UNC5D: variants seen among roughly 807,000 people sequenced by gnomAD.
UNC5D encodes netrin receptor UNC5D.
In UNC5D, 39 loss-of-function variants were observed where a neutral mutation model predicts 105.4. The ratio of observed to expected loss-of-function variants is 0.37; its 90% CI spans 0.29 to 0.48. UNC5D has a LOEUF of 0.48. Among genes scored for constraint, UNC5D ranks in the 20% least tolerant of loss-of-function variants. The pLI is 0.98. For missense variants in UNC5D, 991 were observed against 1,202.4 expected (o/e 0.82, Z 2.60); for synonymous variants, 452 against 450.4 (o/e 1.00, Z -0.04).
chr8:35,317,146 A>G (rs999983577), intron 1 of UNC5D, among the ~76,000 whole-genome samples: 59 of 152,150 alleles, frequency 3.9e-4, no homozygotes, highest in Non-Finnish European at 6.9e-4. Context: ...TGGAGTTTAG[A>G]AATAACTTTC....
intron 1 of UNC5D, among the ~76,000 whole-genome samples, chr8:35,286,726 T>C (rs1021606221): frequency 2.0e-5 from 3 of 152,134 alleles, no homozygotes; most frequent in African/African-American, 2.4e-5. Flanking sequence ...CACCAAACCT[T>C]GGCGTTCTAC....
chr8:35,621,147 T>C (rs553172750), intron 4 of UNC5D, among the ~76,000 whole-genome samples: 7 of 152,310 alleles, frequency 4.6e-5, no homozygotes, highest in Admixed American at 4.6e-4. Context: ...TCCTTGAGAC[T>C]CTGTCTTCCT....
At chr8:35,773,478 G>T (rs964687372) in intron 15 of UNC5D, among the ~76,000 whole-genome samples, 7 of 152,100 alleles carry the variant, frequency 4.6e-5, no homozygotes, top group Non-Finnish European at 8.8e-5. Flanking sequence ...GACTTGGGAA[G>T]AAAATAAAAT....
At chr8:35,458,969 T>G (rs184417640) in intron 1 of UNC5D, among the ~76,000 whole-genome samples, 1,528 of 152,290 alleles carry the variant, frequency 0.01, 13 homozygotes, top group Non-Finnish European at 0.014. Context: ...TATCTAAGTA[T>G]AAAAACAACT....
chr8:35,670,969 A>G (rs1824756293), intron 4 of UNC5D, among the ~76,000 whole-genome samples: 1 of 131,362 alleles, frequency 7.6e-6, no homozygotes. Context: ...TGTCTAACTC[A>G]CCAAGTGGTT....
At chr8:35,249,035 T>A (rs1426131378) in intron 1 of UNC5D, among the ~76,000 whole-genome samples, 16 of 23,158 alleles carry the variant, frequency 6.9e-4, no homozygotes, top group Middle Eastern at 0.071. Context: ...GTTTATATAA[T>A]ATATATTATA....
intron 1 of UNC5D, among the ~76,000 whole-genome samples, chr8:35,533,741 A>G (rs543806881): frequency 2.0e-5 from 3 of 152,204 alleles, no homozygotes; most frequent in African/African-American, 4.8e-5. Context: ...GTGGGATATA[A>G]TCTCGTGGTT....
At chr8:35,311,023 T>C (rs1485200817) in intron 1 of UNC5D, among the ~76,000 whole-genome samples, 1 of 152,090 alleles carries the variant, frequency 6.6e-6, no homozygotes, top group Non-Finnish European at 1.5e-5. Context: ...TCACAAAGCC[T>C]AGGAAAGCCT....
rs551921136 is a variant in UNC5D at position 35,280,453 on chromosome 8, T to A, written c.103+44566T>A. The stretch of plus-strand genomic sequence containing the variant: ...TATGCATTAGATCCAGAGTTAAGTT[T>A]ACAAATATTTATTTCTGCATTGGAA... On this transcript the variant is annotated intron_variant, in intron 1 of 16. Transcript: ENST00000404895. 1.2e-4 allele frequency among the ~76,000 whole-genome samples: 18 copies of A among 152,336 alleles called. No individual in the cohort carries two copies. The South Asian group carries it at 3.7e-3, about 32-fold the overall frequency.
In UNC5D at chr8:35,539,563, C is replaced by T. The variant is rs538121332; in HGVS notation, c.104-9729C>T. Among the ~76,000 whole-genome samples, 3 of 152,262 alleles carry T rather than the reference C, an allele frequency of 2.0e-5. No homozygotes were observed. In the South Asian group the frequency reaches 6.2e-4, roughly 32 times the overall value. On this transcript the variant is annotated intron_variant, in intron 1 of 16. Transcript: ENST00000404895. ...GTGCAAAGAGGTTTTTATCCTGTGC[C>T]TGTGACTTAGAACTCGTTGACAAGT...
At chr8:35,634,479 A>G (rs948238172) in intron 4 of UNC5D, among the ~76,000 whole-genome samples, 2 of 152,204 alleles carry the variant, frequency 1.3e-5, no homozygotes, top group Non-Finnish European at 1.5e-5. Flanking sequence ...TTCCAACTAG[A>G]TAGCTCCTGT....
intron 1 of UNC5D, among the ~76,000 whole-genome samples, chr8:35,453,429 G>T (rs1808294131): frequency 6.6e-6 from 1 of 152,168 alleles, no homozygotes; most frequent in Admixed American, 6.5e-5. Context: ...GAGTCTGAAA[G>T]TTCAAATTTC....
chr8:35,509,403 T>C (rs1394821442), intron 1 of UNC5D, among the ~76,000 whole-genome samples: 2 of 149,396 alleles, frequency 1.3e-5, no homozygotes, highest in East Asian at 2.0e-4. Context: ...AGGGTACAAA[T>C]TGCTAGAGCC....
intron 1 of UNC5D, among the ~76,000 whole-genome samples, chr8:35,429,137 G>A (rs1806453617): frequency 6.6e-6 from 1 of 152,128 alleles, no homozygotes; most frequent in Non-Finnish European, 1.5e-5. Context: ...TTGTCAGCAT[G>A]AAAATGGACT....
At chr8:35,540,385 G>A (rs1815183279) in intron 1 of UNC5D, among the ~76,000 whole-genome samples, 1 of 151,610 alleles carries the variant, frequency 6.6e-6, no homozygotes, top group African/African-American at 2.4e-5. Context: ...AGACCATGAA[G>A]TGAAAGCTAA....
At chr8:35,526,946 T>A (rs959515709) in intron 1 of UNC5D, among the ~76,000 whole-genome samples, 1 of 152,220 alleles carries the variant, frequency 6.6e-6, no homozygotes, top group African/African-American at 2.4e-5. Context: ...ACTGTTTGTA[T>A]CCATCATGGG....
At chr8:35,474,178 C>A (rs1809926641) in intron 1 of UNC5D, among the ~76,000 whole-genome samples, 1 of 152,214 alleles carries the variant, frequency 6.6e-6, no homozygotes, top group African/African-American at 2.4e-5. Context: ...TACATCCATG[C>A]AATGTGTTCA....
Position 35,549,487 on chromosome 8 carries a change from A to C in UNC5D, c.299A>C (p.Glu100Ala), listed in dbSNP as rs781566247. Reference protein sequence around the residue: ...EWVHQNEHVSEETLDESSGLK... With the variant: ...EWVHQNEHVSAETLDESSGLK... The stretch of plus-strand genomic sequence containing the variant: ...GTCCATCAGAACGAGCACGTCTCTG[A>C]AGAGACTCTGGACGAGAGCTCAGGT... Residue 100 changes from glutamate to alanine, a missense_variant, in exon 2 of 17, where the codon GAA (glutamate) becomes GCA (alanine). Transcript: ENST00000404895. 4.3e-6 allele frequency: 7 copies of C among 1,612,086 alleles called. No individual in the cohort carries two copies. Among genetic ancestry groups the C allele is most frequent in the Non-Finnish European group, 5.9e-6 (7 of 1,179,862 alleles).
intron 1 of UNC5D, among the ~76,000 whole-genome samples, chr8:35,478,397 T>C (rs1323183782): frequency 2.0e-5 from 3 of 152,140 alleles, no homozygotes; most frequent in East Asian, 3.8e-4. Flanking sequence ...TTCAGCAGCT[T>C]ATAGAAAAAA....
Sources: allele counts gnomAD v4.1 joint callset (sites outside exome capture counted in the v4.1 genomes callset), GRCh38; gene constraint gnomAD v4.1.1; transcripts MANE v1.5; gene names NCBI Gene and HGNC (gene_info 2026-07-23, HGNC 2026-07-21).